The following CACNA2D3 variants were observed in gnomAD, a reference collection of about 807,000 sequenced individuals.
CACNA2D3 encodes voltage-dependent calcium channel subunit alpha-2/delta-3.
CACNA2D3 carries 60 observed loss-of-function variants against 160.6 expected under a neutral mutation model. The ratio of observed to expected loss-of-function variants is 0.37; its 90% confidence interval spans 0.30 to 0.46. The LOEUF is 0.46. Among genes scored for constraint, CACNA2D3 ranks in the 20% least tolerant of loss-of-function variants. The pLI is 1.00. For synonymous variants in CACNA2D3, 558 were observed against 492.9 expected, an observed-to-expected ratio of 1.13 and a Z score of -1.75; for missense variants, 1,205 against 1,365.0, an observed-to-expected ratio of 0.88 and a Z score of 1.85.
At chr3:54,811,036 C>T (rs2106699644) in intron 13 of CACNA2D3, among the ~76,000 whole-genome samples, 1 of 152,268 alleles carries the variant, frequency 6.6e-6, no homozygotes, top group East Asian at 1.9e-4. Flanking sequence ...CGATTGAGTC[C>T]TGGGCTCTCG....
At chr3:54,730,533 C>G (rs147162200) in intron 11 of CACNA2D3, among the ~76,000 whole-genome samples, 1 of 152,060 alleles carries the variant, frequency 6.6e-6, no homozygotes, top group Admixed American at 6.6e-5. Context: ...GATGGAGTCT[C>G]GCTCTGTCGC....
At chr3:54,625,529 T>C (rs1410404350) in intron 9 of CACNA2D3, among the ~76,000 whole-genome samples, 1 of 151,796 alleles carries the variant, frequency 6.6e-6, no homozygotes, top group East Asian at 1.9e-4. Context: ...GCTTCAATAA[T>C]GGTGGCTGCT....
In CACNA2D3 at chr3:54,811,417, C is replaced by T. The variant is rs901081968; in HGVS notation, c.1381-5436C>T. ...AACTCTACCTGGGGTCAGACTATTG[C>T]CTGCTGCCTCCACACCACCAGTGTG... On this transcript the variant is annotated intron_variant, in intron 13 of 37. Coordinates refer to ENST00000474759, the MANE Select transcript of CACNA2D3 (RefSeq NM_018398.3). 2.4e-4 allele frequency among the ~76,000 whole-genome samples: 35 copies of T among 146,962 alleles called. 1 individual carries two copies. Among genetic ancestry groups the T allele is most frequent in the Admixed American group, 2.2e-3 (31 of 14,262 alleles).
chr3:54,678,408 A>C (rs1240761140), intron 11 of CACNA2D3, among the ~76,000 whole-genome samples: 2 of 152,124 alleles, frequency 1.3e-5, no homozygotes, highest in Non-Finnish European at 2.9e-5. Context: ...ACCACACCTG[A>C]GGGAAAAGAG....
chr3:54,645,453 C>T (rs1405486276), intron 11 of CACNA2D3, among the ~76,000 whole-genome samples: 1 of 152,208 alleles, frequency 6.6e-6, no homozygotes, highest in East Asian at 1.9e-4. Context: ...GTCCAACATT[C>T]CTATATGACA....
chr3:54,290,409 A>C (rs542953317), intron 2 of CACNA2D3, among the ~76,000 whole-genome samples: 3 of 152,192 alleles, frequency 2.0e-5, no homozygotes, highest in African/African-American at 7.2e-5. Flanking sequence ...TCAGGAAACA[A>C]CAGGTGCTGG....
intron 11 of CACNA2D3, among the ~76,000 whole-genome samples, chr3:54,687,011 GA>G (rs1207246394): frequency 6.6e-6 from 1 of 151,226 alleles, no homozygotes; most frequent in Non-Finnish European, 1.5e-5. Flanking sequence ...TGTAAATCAA[GA>G]AAAATTTGGA....
intron 11 of CACNA2D3, among the ~76,000 whole-genome samples, chr3:54,683,518 C>G (rs1462569785): frequency 6.6e-6 from 1 of 152,154 alleles, no homozygotes; most frequent in African/African-American, 2.4e-5. Context: ...GTTTCTTTGA[C>G]TATAAAATGG....
intron 4 of CACNA2D3, among the ~76,000 whole-genome samples, chr3:54,402,666 C>T (rs78247899): frequency 0.058 from 8,866 of 152,068 alleles, 322 homozygotes; most frequent in Middle Eastern, 0.095. Flanking sequence ...AAATAGACAG[C>T]AATACAATAA....
intron 21 of CACNA2D3, among the ~76,000 whole-genome samples, chr3:54,881,681 A>G (rs1187363525): frequency 6.6e-6 from 1 of 152,156 alleles, no homozygotes; most frequent in Non-Finnish European, 1.5e-5. Context: ...TTGCATGTCC[A>G]CAGAGGAGGA....
Position 55,074,195 on chromosome 3 carries a change from T to C in CACNA2D3, c.3265T>C (p.Phe1089Leu). The change falls in exon 38 of 38, where the codon TTC (phenylalanine) becomes CTC (leucine). Residue 1089 changes from phenylalanine (F) to leucine (L), a missense_variant. By Grantham distance (22) the Phe-to-Leu change is conservative. Coordinates refer to ENST00000474759, the MANE Select transcript of CACNA2D3 (RefSeq NM_018398.3). ...LLLLPLLLML[F>L]SR ...TCTGCTCCCTCTGCTTTTGATGCTCTTCTCAAGGTGACACTGACTGAGATG... is the reference window on the plus strand; with the variant it reads ...TCTGCTCCCTCTGCTTTTGATGCTCCTCTCAAGGTGACACTGACTGAGATG... The C allele has an allele frequency of 1.9e-6, 3 of 1,613,350 alleles. No homozygotes were observed. The highest frequency in any genetic ancestry group is 8.5e-7 in the Non-Finnish European group (1 of 1,179,274).
At chr3:54,592,301 A>T (rs915441703) in intron 9 of CACNA2D3, among the ~76,000 whole-genome samples, 1 of 152,190 alleles carries the variant, frequency 6.6e-6, no homozygotes, top group Non-Finnish European at 1.5e-5. Context: ...TGGAACATAG[A>T]TTTTCGAGAT....
chr3:54,129,582 G>A (rs1699665265), intron 2 of CACNA2D3, among the ~76,000 whole-genome samples: 1 of 152,218 alleles, frequency 6.6e-6, no homozygotes, highest in Non-Finnish European at 1.5e-5. Context: ...ACAAGAAATG[G>A]ATGGCTGTTC....
At chr3:54,955,726 C>T (rs765568203) in intron 27 of CACNA2D3, among the ~76,000 whole-genome samples, 2 of 152,080 alleles carry the variant, frequency 1.3e-5, no homozygotes, top group Admixed American at 1.3e-4. Flanking sequence ...CTCTGTCTAC[C>T]GAGGGGGCTT....
At chr3:54,238,699 T>C (rs1335879814) in intron 2 of CACNA2D3, among the ~76,000 whole-genome samples, 2 of 152,134 alleles carry the variant, frequency 1.3e-5, no homozygotes, top group African/African-American at 2.4e-5. Context: ...GTCTAAATAA[T>C]GTAAAAAAGA....
intron 4 of CACNA2D3, among the ~76,000 whole-genome samples, chr3:54,464,933 C>T (rs967259750): frequency 9.9e-5 from 15 of 152,148 alleles, no homozygotes; most frequent in South Asian, 2.1e-4. Flanking sequence ...AATACATTTT[C>T]TATGCCTTTT....
At chr3:54,343,097 T>C (rs541793633) in intron 3 of CACNA2D3, among the ~76,000 whole-genome samples, 2 of 152,336 alleles carry the variant, frequency 1.3e-5, no homozygotes, top group South Asian at 4.1e-4. Flanking sequence ...AACAGATTTA[T>C]TGCATTAAGC....
rs148316438 is a variant in CACNA2D3 at position 54,206,106 on chromosome 3, G to A, written c.204+82512G>A. On this transcript the variant is annotated intron_variant, in intron 2 of 37. Transcript: ENST00000474759. Reference sequence around the variant, plus strand: ...AATTATTTATACATAGAAAACGTTCGAAGATGGTGCACCTTAGTTGTGGGC... The same window carrying A: ...AATTATTTATACATAGAAAACGTTCAAAGATGGTGCACCTTAGTTGTGGGC... Among the ~76,000 whole-genome samples, 774 of 152,286 alleles carry A rather than the reference G, an allele frequency of 5.1e-3. 7 individuals are homozygous for A. The highest frequency in any genetic ancestry group is 0.018 in the African/African-American group (737 of 41,560).
chr3:54,937,109 A>G (rs115717756), intron 27 of CACNA2D3, among the ~76,000 whole-genome samples: 209 of 152,184 alleles, frequency 1.4e-3, no homozygotes, highest in African/African-American at 4.5e-3. Context: ...GGTGCTTTCC[A>G]CTTCTGAAGG....
Sources: gnomAD v4.1 joint callset for allele counts (sites outside exome capture counted in the v4.1 genomes callset) on GRCh38, gnomAD v4.1.1 for gene constraint, MANE v1.5 for transcripts, NCBI Gene and HGNC (gene_info 2026-07-23, HGNC 2026-07-21) for gene names.